The following GALNT13 variants were observed in gnomAD, a reference collection of about 807,000 sequenced individuals.
The protein encoded by GALNT13 is UDP-GalNAc:polypeptide N-acetylgalactosaminyltransferase 13.
A neutral mutation model predicts 64.2 loss-of-function variants in GALNT13; 28 were observed. The ratio of observed to expected loss-of-function variants is 0.44; its 90% CI spans 0.32 to 0.60. The LOEUF is 0.60. Ranked by LOEUF, GALNT13 falls within the 20% of genes least tolerant of loss-of-function variation. The probability of loss-of-function intolerance (pLI) is 0.05; values close to 1 mark genes in which losing one functional copy is unlikely to be tolerated. For missense variants in GALNT13, 577 were observed against 669.8 expected, an observed-to-expected ratio of 0.86 and a Z score of 1.53; for synonymous variants, 214 against 224.6, an observed-to-expected ratio of 0.95 and a Z score of 0.42.
At chr2:153,315,479 A>G in the GALNT13 span, among the ~76,000 whole-genome samples, 8 of 152,264 alleles carry the variant, frequency 5.3e-5, no homozygotes, top group African/African-American at 1.9e-4. Context: ...AAACATAATC[A>G]TTCAGACCAT....
chr2:154,028,869 A>G (rs1025746881), intron 3 of GALNT13, among the ~76,000 whole-genome samples: 2 of 152,068 alleles, frequency 1.3e-5, no homozygotes, highest in African/African-American at 4.8e-5. Flanking sequence ...GCAAGCAAAA[A>G]AACTAGAAAG....
At chr2:154,456,155 T>G (rs1702030221), downstream of GALNT13, among the ~76,000 whole-genome samples, 4 of 149,016 alleles carry the variant, frequency 2.7e-5, no homozygotes, top group South Asian at 6.4e-4. Context: ...TTTGTTTTTT[T>G]TTTTTTGTAT....
chr2:153,630,807 A>ATTTTT, the GALNT13 span, among the ~76,000 whole-genome samples: 2 of 21,990 alleles, frequency 9.1e-5, no homozygotes, highest in African/African-American at 3.8e-4. Context: ...ATATATATAT[A>ATTTTT]TTTTTTTTTT....
In GALNT13 at chr2:153,970,738, C is replaced by T. The variant is rs532625243; in HGVS notation, c.142+26099C>T. ...TTTCTCTTTGCCATCTTTTCTGTGT[C>T]GATTTTTGGCAGTTTCATCACTCCG... On this transcript the variant is annotated intron_variant, in intron 3 of 12. Transcript: ENST00000392825. Among the ~76,000 whole-genome samples the T allele has an allele frequency of 1.5e-4, 23 of 152,222 alleles. No homozygotes were observed. In the South Asian group the frequency reaches 2.1e-3, roughly 14 times the overall value.
At chr2:153,878,671 A>G (rs1285469438) in intron 1 of GALNT13, among the ~76,000 whole-genome samples, 1 of 152,204 alleles carries the variant, frequency 6.6e-6, no homozygotes, top group East Asian at 1.9e-4. Context: ...AATGACAAAA[A>G]GAGCTTGTCA....
chr2:153,343,626 T>G, the GALNT13 span, among the ~76,000 whole-genome samples: 1 of 152,198 alleles, frequency 6.6e-6, no homozygotes, highest in African/African-American at 2.4e-5. Flanking sequence ...TAGCTCATTC[T>G]TGCATAACAT....
intron 3 of GALNT13, among the ~76,000 whole-genome samples, chr2:154,063,724 A>G (rs751142247): frequency 6.6e-6 from 1 of 152,212 alleles, no homozygotes; most frequent in Non-Finnish European, 1.5e-5. Flanking sequence ...TTTTACTCTC[A>G]TAAATGATGA....
At chr2:153,845,000 A>G in the GALNT13 span, among the ~76,000 whole-genome samples, 2 of 152,160 alleles carry the variant, frequency 1.3e-5, no homozygotes, top group South Asian at 4.1e-4. Context: ...TATTGTCAGC[A>G]TTTTGATCAC....
chr2:154,102,363 C>T (rs547486205), intron 3 of GALNT13, among the ~76,000 whole-genome samples: 3 of 152,154 alleles, frequency 2.0e-5, no homozygotes, highest in Admixed American at 6.5e-5. Context: ...AAAACAATAG[C>T]TAATTCCACT....
intron 3 of GALNT13, among the ~76,000 whole-genome samples, chr2:154,069,208 GA>G (rs1330950900): frequency 1.3e-5 from 2 of 151,686 alleles, no homozygotes; most frequent in Non-Finnish European, 2.9e-5. Context: ...TTCATTACAA[GA>G]AACACCAAGA....
At chr2:153,946,544 A>T (rs140690706) in intron 3 of GALNT13, among the ~76,000 whole-genome samples, 11 of 152,214 alleles carry the variant, frequency 7.2e-5, no homozygotes, top group African/African-American at 2.4e-4. Context: ...GTGCTAGCAG[A>T]TGCAACGTCT....
the GALNT13 span, among the ~76,000 whole-genome samples, chr2:153,738,781 T>A: frequency 1.3e-5 from 2 of 151,976 alleles, no homozygotes; most frequent in Non-Finnish European, 2.9e-5. Context: ...ATACATGTTA[T>A]AATAAATTTA....
intron 4 of GALNT13, among the ~76,000 whole-genome samples, chr2:154,153,371 G>T (rs528216212): frequency 7.2e-5 from 11 of 152,302 alleles, no homozygotes; most frequent in African/African-American, 1.9e-4. Context: ...GCTGCTCGGG[G>T]GTCAGGGGTC....
chr2:153,825,070 C>T, the GALNT13 span, among the ~76,000 whole-genome samples: 1 of 152,178 alleles, frequency 6.6e-6, no homozygotes, highest in South Asian at 2.1e-4. Context: ...ACAACATCTT[C>T]CCCCAGGTAT....
chr2:153,275,789 A>AT, the GALNT13 span, among the ~76,000 whole-genome samples: 2 of 152,030 alleles, frequency 1.3e-5, no homozygotes, highest in East Asian at 3.9e-4. Flanking sequence ...AATTGTCAGT[A>AT]TTTTTCCATG....
At chr2:154,070,864 G>A (rs748037816) in intron 3 of GALNT13, among the ~76,000 whole-genome samples, 22 of 151,640 alleles carry the variant, frequency 1.5e-4, no homozygotes, top group African/African-American at 4.8e-4. Context: ...GCAGTGAGCC[G>A]AGATTGCACC....
chr2:153,504,897 A>G, the GALNT13 span, among the ~76,000 whole-genome samples: 287 of 152,300 alleles, frequency 1.9e-3, 4 homozygotes, highest in Admixed American at 0.015. Context: ...CCGGCTTCAT[A>G]GAATGGTTTA....
At chr2:154,275,681 C>G (rs907846267) in intron 8 of GALNT13, among the ~76,000 whole-genome samples, 56 of 152,180 alleles carry the variant, frequency 3.7e-4, no homozygotes, top group African/African-American at 1.4e-3. Context: ...GGGGTGCAAG[C>G]CCCCACACAG....
At chr2:153,303,398 G>C in the GALNT13 span, among the ~76,000 whole-genome samples, 1 of 152,110 alleles carries the variant, frequency 6.6e-6, no homozygotes, top group African/African-American at 2.4e-5. Context: ...TGTTGATTTT[G>C]TATCCTGCTG....
Sources: gnomAD v4.1 joint callset for allele counts (sites outside exome capture counted in the v4.1 genomes callset) on GRCh38, gnomAD v4.1.1 for gene constraint, MANE v1.5 for transcripts, NCBI Gene and HGNC (gene_info 2026-07-23, HGNC 2026-07-21) for gene names.